B3GALT1: variants seen among roughly 807,000 people sequenced by gnomAD.
B3GALT1 encodes beta-1,3-galactosyltransferase 1, also known as UDP-Gal:betaGlcNAc beta 1,3-galactosyltransferase, polypeptide 1.
B3GALT1 carries 10 observed loss-of-function variants against 23.2 expected under a neutral mutation model. The ratio of observed to expected loss-of-function variants is 0.43; its 90% confidence interval spans 0.27 to 0.73. The LOEUF (loss-of-function observed/expected upper bound fraction) is 0.73, where lower values mean the gene tolerates loss of function less well. Among genes scored for constraint, B3GALT1 ranks in the 30% least tolerant of loss-of-function variants. B3GALT1 has a pLI of 0.21. For missense variants in B3GALT1, 299 were observed against 405.4 expected (o/e 0.74, Z 2.25); for synonymous variants, 156 against 141.5 (o/e 1.10, Z -0.73).
At chr2:167,447,302 C>T (rs549924492) in intron 1 of B3GALT1, among the ~76,000 whole-genome samples, 13 of 152,116 alleles carry the variant, frequency 8.5e-5, no homozygotes, top group South Asian at 4.1e-4. Flanking sequence ...TAGGCTACTC[C>T]GGGGTCAGGG....
intron 1 of B3GALT1, among the ~76,000 whole-genome samples, chr2:167,420,601 T>A (rs554559256): frequency 5.0e-4 from 76 of 152,342 alleles, no homozygotes; most frequent in African/African-American, 1.8e-3. Flanking sequence ...GGATGTCCTT[T>A]GAATATCTAG....
chr2:167,697,376 T>A (rs564649290), intron 3 of B3GALT1, among the ~76,000 whole-genome samples: 24 of 152,300 alleles, frequency 1.6e-4, no homozygotes, highest in Admixed American at 3.9e-4. Flanking sequence ...ACCTGGGCTG[T>A]GATGGTTGTT....
chr2:167,326,017 T>C (rs904020469), intron 1 of B3GALT1, among the ~76,000 whole-genome samples: 1 of 152,008 alleles, frequency 6.6e-6, no homozygotes, highest in East Asian at 1.9e-4. Context: ...TGCCAGGCCT[T>C]CCCTGTTTTC....
intron 1 of B3GALT1, among the ~76,000 whole-genome samples, chr2:167,298,833 T>C (rs774515554): frequency 6.6e-6 from 1 of 151,804 alleles, no homozygotes; most frequent in Non-Finnish European, 1.5e-5. Flanking sequence ...AAAAAATGCT[T>C]AAGAAAATTT....
chr2:167,852,292 G>A (rs902354505), intron 4 of B3GALT1, among the ~76,000 whole-genome samples: 3 of 152,084 alleles, frequency 2.0e-5, no homozygotes, highest in Non-Finnish European at 2.9e-5. Flanking sequence ...TACTGGATAA[G>A]ACGGATATAA....
At chr2:167,621,303 C>T (rs1019466214) in intron 2 of B3GALT1, among the ~76,000 whole-genome samples, 25 of 152,038 alleles carry the variant, frequency 1.6e-4, no homozygotes, top group Middle Eastern at 3.4e-3. Flanking sequence ...CCAGGCTGGT[C>T]TCGAACTCCT....
chr2:167,322,674 T>C (rs903343477), intron 1 of B3GALT1, among the ~76,000 whole-genome samples: 3 of 152,046 alleles, frequency 2.0e-5, no homozygotes, highest in African/African-American at 7.2e-5. Context: ...ATCAATTTCC[T>C]TGAAGAATTT....
At chr2:167,582,287 G>C (rs948711694) in intron 2 of B3GALT1, among the ~76,000 whole-genome samples, 1 of 152,176 alleles carries the variant, frequency 6.6e-6, no homozygotes, top group Non-Finnish European at 1.5e-5. Flanking sequence ...TTTTGAAAAC[G>C]GAGTGTTGTT....
intron 2 of B3GALT1, among the ~76,000 whole-genome samples, chr2:167,565,529 A>T (rs146734951): frequency 6.6e-6 from 1 of 152,184 alleles, no homozygotes; most frequent in African/African-American, 2.4e-5. Context: ...AACTAAGGAG[A>T]TTCTGCACAG....
chr2:167,559,716 C>T (rs984364901), intron 2 of B3GALT1, among the ~76,000 whole-genome samples: 13 of 151,532 alleles, frequency 8.6e-5, no homozygotes, highest in Admixed American at 3.3e-4. Flanking sequence ...TGATGGAAGA[C>T]GAAATGAATG....
At chr2:167,586,976 C>T (rs1309629649) in intron 2 of B3GALT1, among the ~76,000 whole-genome samples, 1 of 152,134 alleles carries the variant, frequency 6.6e-6, no homozygotes, top group Non-Finnish European at 1.5e-5. Context: ...ACTTGATTTG[C>T]TTCACCTATA....
intron 3 of B3GALT1, among the ~76,000 whole-genome samples, chr2:167,771,905 A>G (rs2105309322): frequency 6.6e-6 from 1 of 152,350 alleles, no homozygotes; most frequent in East Asian, 1.9e-4. Context: ...AGGGCCAGGA[A>G]GCAGATACGC....
intron 1 of B3GALT1, among the ~76,000 whole-genome samples, chr2:167,410,448 G>A (rs999475548): frequency 9.7e-5 from 14 of 145,032 alleles, no homozygotes; most frequent in Admixed American, 8.5e-4. Context: ...CCGAGATCGC[G>A]CCACTGCACT....
At chr2:167,577,835 C>G (rs1023578848) in intron 2 of B3GALT1, among the ~76,000 whole-genome samples, 1 of 122,572 alleles carries the variant, frequency 8.2e-6, no homozygotes, top group Non-Finnish European at 1.6e-5. Flanking sequence ...TAAAATTAAC[C>G]TAGCTACTCT....
At chr2:167,478,499 A>C (rs1346623232) in intron 1 of B3GALT1, among the ~76,000 whole-genome samples, 1 of 152,190 alleles carries the variant, frequency 6.6e-6, no homozygotes, top group African/African-American at 2.4e-5. Context: ...ACTAAAATCA[A>C]GGCTTATAAA....
intron 2 of B3GALT1, among the ~76,000 whole-genome samples, chr2:167,602,330 G>C (rs1310324387): frequency 6.6e-6 from 1 of 152,146 alleles, no homozygotes; most frequent in Non-Finnish European, 1.5e-5. Context: ...GAGAGACAGA[G>C]AGCTGCAGTG....
rs772030579 is a variant in B3GALT1 at position 167,869,544 on chromosome 2, A to G, written c.505A>G (p.Lys169Glu). The G allele has an allele frequency of 3.7e-6, 6 of 1,614,114 alleles. No homozygotes were observed. Among genetic ancestry groups the G allele is most frequent in the Non-Finnish European group, 5.1e-6 (6 of 1,180,026 alleles). The part of the protein sequence containing the change: ...GMRWVATFCS[K>E]AKYVMKTDSD... The stretch of plus-strand genomic sequence containing the variant: ...GAGATGGGTGGCCACTTTTTGTTCA[A>G]AAGCCAAGTATGTCATGAAAACAGA... The change falls in exon 5 of 5, where the codon AAA (lysine) becomes GAA (glutamate). Residue 169 changes from lysine to glutamate, a missense_variant. Transcript: ENST00000392690. The surrounding 1 kb of genome is among the most constrained non-coding windows in gnomAD (Gnocchi z 6.4).
intron 1 of B3GALT1, among the ~76,000 whole-genome samples, chr2:167,471,094 A>G (rs1377089342): frequency 6.6e-6 from 1 of 152,202 alleles, no homozygotes; most frequent in Non-Finnish European, 1.5e-5. Context: ...AGAATCTGCT[A>G]AAAATAGATA....
rs535350948 is a variant in B3GALT1, at chr2:167,734,702, A to G, written c.-351-83970A>G. On this transcript the variant is annotated intron_variant, in intron 3 of 4. Transcript: ENST00000392690. ...TCTCTTGTAAAATTTCCTTCTAACA[A>G]TCTGATTCCCCAAGTATCGTTCCTG... 1.8e-4 allele frequency among the ~76,000 whole-genome samples: 27 copies of G among 152,284 alleles called. No individual in the cohort carries two copies. In the Middle Eastern group the frequency reaches 0.017, roughly 96 times the overall value.
Sources: gnomAD v4.1 joint callset for allele counts (sites outside exome capture counted in the v4.1 genomes callset) on GRCh38, gnomAD v4.1.1 for gene constraint, Gnocchi (gnomAD v3.1) non-coding constraint, MANE v1.5 for transcripts, NCBI Gene and HGNC (gene_info 2026-07-23, HGNC 2026-07-21) for gene names.